Variants in RALGPS1 observed in about 807,000 individuals in gnomAD.
RALGPS1 encodes the protein Ral GEF with PH domain and SH3 binding motif 1.
Under a neutral mutation model 78.8 loss-of-function variants are expected in RALGPS1, and 19 were observed. The ratio of observed to expected loss-of-function variants is 0.24; its 90% CI spans 0.17 to 0.35. RALGPS1 has a LOEUF of 0.35. Among genes scored for constraint, RALGPS1 ranks in the 10% least tolerant of loss-of-function variants. The pLI is 1.00. For missense variants in RALGPS1, 454 were observed against 688.3 expected, an observed-to-expected ratio of 0.66 and a Z score of 3.81; for synonymous variants, 228 against 256.3, an observed-to-expected ratio of 0.89 and a Z score of 1.06.
At chr9:127,013,293 GTGT>G (rs2044520529) in intron 4 of RALGPS1, among the ~76,000 whole-genome samples, 2 of 152,168 alleles carry the variant, frequency 1.3e-5, no homozygotes, top group African/African-American at 4.8e-5. Flanking sequence ...GGCAGAGCAA[GTGT>G]TGTTTGGGAG....
intron 3 of RALGPS1, among the ~76,000 whole-genome samples, chr9:126,969,440 A>G (rs1277745197): frequency 6.6e-6 from 1 of 152,174 alleles, no homozygotes; most frequent in Non-Finnish European, 1.5e-5. Context: ...GGTGCTAGCA[A>G]CATTTCACAT....
At chr9:126,949,846 T>C (rs1450561197) in intron 1 of RALGPS1, among the ~76,000 whole-genome samples, 1 of 152,134 alleles carries the variant, frequency 6.6e-6, no homozygotes, top group Admixed American at 6.5e-5. Flanking sequence ...TTTTGGCTTT[T>C]GTTGCCATTG....
chr9:126,950,326 AGT>A (rs2037694806), intron 1 of RALGPS1, among the ~76,000 whole-genome samples: 1 of 152,196 alleles, frequency 6.6e-6, no homozygotes, highest in Non-Finnish European at 1.5e-5. Context: ...TGAACTTTAA[AGT>A]AGTTTTTTCC....
chr9:126,933,211 G>A (rs893088225), intron 1 of RALGPS1, among the ~76,000 whole-genome samples: 3 of 152,122 alleles, frequency 2.0e-5, no homozygotes, highest in Non-Finnish European at 4.4e-5. Context: ...GGAGAAAGAG[G>A]GACGGGGCAT....
chr9:127,194,397 A>G (rs1416033114), intron 11 of RALGPS1, among the ~76,000 whole-genome samples: 1 of 152,164 alleles, frequency 6.6e-6, no homozygotes. Flanking sequence ...GGGTAAGGGA[A>G]TGGACTTGGT....
chr9:127,085,960 T>C (rs1289415834), intron 8 of RALGPS1, among the ~76,000 whole-genome samples: 3 of 152,214 alleles, frequency 2.0e-5, no homozygotes, highest in African/African-American at 7.2e-5. Context: ...GAACTCTTAA[T>C]TGATGCCTGA....
chr9:127,096,985 C>T (rs1023826923), intron 8 of RALGPS1, among the ~76,000 whole-genome samples: 10 of 152,178 alleles, frequency 6.6e-5, no homozygotes, highest in Admixed American at 5.2e-4. Context: ...GGTGTATGCA[C>T]CCAGGGGGTG....
intron 1 of RALGPS1, among the ~76,000 whole-genome samples, chr9:126,944,508 T>C (rs2037075770): frequency 7.2e-6 from 1 of 139,546 alleles, no homozygotes; most frequent in African/African-American, 2.7e-5. Context: ...CCTCCCATAA[T>C]GGTTTTTCAC....
At chr9:126,927,823 G>A (rs2035439654) in intron 1 of RALGPS1, among the ~76,000 whole-genome samples, 1 of 152,200 alleles carries the variant, frequency 6.6e-6, no homozygotes, top group South Asian at 2.1e-4. Flanking sequence ...AGGAAAGGCA[G>A]CTGATCGGAA....
chr9:127,050,052 T>G lies in RALGPS1; in HGVS notation c.310T>G (p.Trp104Gly). 1 of 1,613,200 alleles carries G rather than the reference T, an allele frequency of 6.2e-7. No homozygotes were observed. Among genetic ancestry groups the G allele is most frequent in the Non-Finnish European group, 8.5e-7 (1 of 1,179,120 alleles). ...FTRRFNQVSF[W>G]VVREILTAQT... ...GTATTTGACTCTACAGGTCAGTTTT[T>G]GGGTTGTACGAGAAATTCTAACAGC... Residue 104 changes from tryptophan (W) to glycine (G), a missense_variant, in exon 6 of 19, where the codon TGG (tryptophan) becomes GGG (glycine). Physicochemically the swap from Trp to Gly is radical, Grantham distance 184. Coordinates refer to ENST00000259351, the MANE Select transcript of RALGPS1 (RefSeq NM_014636.3).
At chr9:126,993,321 G>A (rs1207150315) in intron 4 of RALGPS1, among the ~76,000 whole-genome samples, 3 of 152,096 alleles carry the variant, frequency 2.0e-5, no homozygotes, top group African/African-American at 4.8e-5. Context: ...TTTGTAATGG[G>A]GAATATTGAT....
intron 1 of RALGPS1, among the ~76,000 whole-genome samples, chr9:126,954,978 C>T (rs1455414424): frequency 2.0e-5 from 3 of 152,210 alleles, no homozygotes; most frequent in Non-Finnish European, 4.4e-5. Flanking sequence ...ACCTGCTAGG[C>T]TCATGTGCAT....
intron 14 of RALGPS1, among the ~76,000 whole-genome samples, chr9:127,203,723 T>A (rs1443245934): frequency 6.6e-6 from 1 of 152,136 alleles, no homozygotes; most frequent in Non-Finnish European, 1.5e-5. Context: ...CAGGATGCAG[T>A]GGGAGGATCC....
chr9:127,153,502 G>A (rs2058544511), intron 8 of RALGPS1, among the ~76,000 whole-genome samples: 1 of 150,720 alleles, frequency 6.6e-6, no homozygotes, highest in African/African-American at 2.4e-5. Flanking sequence ...GTGCCTGTCT[G>A]GTTCTGCTGT....
chr9:127,054,281 T>C (rs1481220830), intron 7 of RALGPS1, among the ~76,000 whole-genome samples: 1 of 152,228 alleles, frequency 6.6e-6, no homozygotes, highest in Non-Finnish European at 1.5e-5. Context: ...CTTTTTCAAA[T>C]GAATTTTCCA....
chr9:126,965,352 G>C (rs1471898954), intron 2 of RALGPS1, among the ~76,000 whole-genome samples: 1 of 152,180 alleles, frequency 6.6e-6, no homozygotes, highest in Non-Finnish European at 1.5e-5. Context: ...AAAAAACCAG[G>C]TAATGTTTGA....
At chr9:127,102,484 T>C (rs1037614014) in intron 8 of RALGPS1, among the ~76,000 whole-genome samples, 1 of 152,190 alleles carries the variant, frequency 6.6e-6, no homozygotes, top group Non-Finnish European at 1.5e-5. Context: ...GTTTGCCAAG[T>C]ACCAATCTTG....
chr9:127,182,461 G>A (rs1275064943), intron 11 of RALGPS1, among the ~76,000 whole-genome samples: 5 of 126,400 alleles, frequency 4.0e-5, no homozygotes, highest in African/African-American at 1.3e-4. Context: ...ACGGAGTCTC[G>A]CTCTGTCACC....
At position 127,203,666 on chromosome 9, in the gene RALGPS1, G is replaced by A. The variant is rs192074344; in HGVS notation, c.1247+4600G>A. Among the ~76,000 whole-genome samples, 80 of 152,328 alleles carry A rather than the reference G, an allele frequency of 5.3e-4. 1 individual carries two copies. Among genetic ancestry groups the A allele is most frequent in the Non-Finnish European group, 8.2e-4 (56 of 68,024 alleles). On this transcript the variant is annotated intron_variant, in intron 14 of 18. Transcript: ENST00000259351. The stretch of plus-strand genomic sequence containing the variant: ...TGCTCTGGGGGAGGTGAGGGAATGG[G>A]TCAGAGCTCAGAGTCTTAAATAAGT...
Sources: gnomAD v4.1 joint callset for allele counts (sites outside exome capture counted in the v4.1 genomes callset) on GRCh38, gnomAD v4.1.1 for gene constraint, MANE v1.5 for transcripts, NCBI Gene and HGNC (gene_info 2026-07-23, HGNC 2026-07-21) for gene names.